Variants in ECHDC3 observed in about 807,000 individuals in gnomAD.
ECHDC3 encodes the protein enoyl-CoA hydratase domain containing 3, also known as enoyl-CoA hydratase domain-containing protein 3, mitochondrial.
In ECHDC3, 20 loss-of-function variants were observed where a neutral mutation model predicts 17.9. The observed-to-expected ratio is 1.12, with a 90% CI of 0.79 to 1.63. The LOEUF is 1.63. ECHDC3 is among the 40% of genes most tolerant of loss of function. The probability of loss-of-function intolerance (pLI) is 0.00; values close to 1 mark genes in which losing one functional copy is unlikely to be tolerated. For synonymous variants in ECHDC3, 177 were observed against 149.7 expected, an observed-to-expected ratio of 1.18 and a Z score of -1.33; for missense variants, 407 against 357.7, an observed-to-expected ratio of 1.14 and a Z score of -1.11.
intron 1 of ECHDC3, among the ~76,000 whole-genome samples, chr10:11,746,944 CA>C (rs1306737094): frequency 2.6e-5 from 4 of 152,104 alleles, no homozygotes; most frequent in African/African-American, 9.7e-5. Flanking sequence ...TTCTAAGGAA[CA>C]ATGGAAAGAA....
At chr10:11,756,708 CG>C (rs983738837) in intron 4 of ECHDC3, among the ~76,000 whole-genome samples, 2 of 151,762 alleles carry the variant, frequency 1.3e-5, no homozygotes, top group African/African-American at 4.8e-5. Flanking sequence ...AGGATGTTTT[CG>C]ATTCTGTCAA....
chr10:11,755,850 T>C (rs1458976306), intron 4 of ECHDC3: 3 of 485,676 alleles, frequency 6.2e-6, no homozygotes, highest in Non-Finnish European at 1.1e-5. Context: ...AATCACTGCA[T>C]TTCCATCATG....
At chr10:11,746,236 G>A (rs1832757460) in intron 1 of ECHDC3, among the ~76,000 whole-genome samples, 1 of 150,556 alleles carries the variant, frequency 6.6e-6, no homozygotes, top group African/African-American at 2.5e-5. Flanking sequence ...CCTGAGGCAA[G>A]AGAATCACTT....
chr10:11,755,223 G>A (rs1832871211), intron 3 of ECHDC3, 185 bp from the exon 4 acceptor site: 1 of 551,034 alleles, frequency 1.8e-6, no homozygotes, highest in East Asian at 3.2e-5. Context: ...CTACTCAGGA[G>A]GCTGAGGCAG....
rs186464139 is a variant in ECHDC3 at position 11,748,004 on chromosome 10, A to T, written c.292+534A>T. 1.9e-3 allele frequency among the ~76,000 whole-genome samples: 296 copies of T among 152,356 alleles called. 4 individuals are homozygous for T. Among genetic ancestry groups the T allele is most frequent in the Non-Finnish European group, 7.6e-4 (52 of 68,040 alleles). On this transcript the variant is annotated intron_variant, in intron 2 of 4. Coordinates refer to ENST00000379215, the MANE Select transcript of ECHDC3 (RefSeq NM_024693.5). ...AATAGTAATATTAGCATTTTAAAGC[A>T]TACACAAAAAAATATGATGATGATG... is the stretch of plus-strand genomic sequence containing the variant.
chr10:11,745,289 G>A (rs1832747830), intron 1 of ECHDC3, among the ~76,000 whole-genome samples: 2 of 152,146 alleles, frequency 1.3e-5, no homozygotes, highest in South Asian at 4.1e-4. Flanking sequence ...TCGGGGGCTG[G>A]AATCTTTTTA....
At chr10:11,753,950 A>AC (rs1287566383) in intron 3 of ECHDC3, among the ~76,000 whole-genome samples, 3 of 151,484 alleles carry the variant, frequency 2.0e-5, no homozygotes, top group African/African-American at 7.3e-5. Context: ...TAATTTTTGT[A>AC]CTTTTTTTTT....
intron 4 of ECHDC3, among the ~76,000 whole-genome samples, chr10:11,759,018 A>G (rs1321014994): frequency 6.6e-6 from 1 of 152,196 alleles, no homozygotes; most frequent in East Asian, 1.9e-4. Flanking sequence ...TGATGAGATC[A>G]TGAGTATGGA....
At chr10:11,751,167 T>TA (rs1832819260) in intron 3 of ECHDC3, among the ~76,000 whole-genome samples, 1 of 152,214 alleles carries the variant, frequency 6.6e-6, no homozygotes, top group Non-Finnish European at 1.5e-5. Flanking sequence ...AGAGAACCAG[T>TA]AAAGCCCTTT....
chr10:11,744,365 G>A (rs564186181), intron 1 of ECHDC3, among the ~76,000 whole-genome samples: 1 of 152,294 alleles, frequency 6.6e-6, no homozygotes, highest in African/African-American at 2.4e-5. Context: ...CACTGCATTC[G>A]GTGGAATTGG....
intron 3 of ECHDC3, 123 bp downstream of exon 3, chr10:11,749,715 A>T: frequency 1.4e-6 from 1 of 717,330 alleles, no homozygotes; most frequent in Non-Finnish European, 2.2e-6. Flanking sequence ...GAGCAACTGG[A>T]AACTGTTTGG....
chr10:11,763,318 T>A lies in ECHDC3; in HGVS notation c.686T>A (p.Leu229Gln). 1.3e-6 allele frequency: 1 copy of A among 780,210 alleles called. No individual in the cohort carries two copies. Among genetic ancestry groups the A allele is most frequent in the South Asian group, 1.3e-5 (1 of 74,610 alleles). The allele number at this position is 780,210 out of a possible 1,614,324, so 48.3% of individuals were successfully genotyped here. The part of the protein sequence containing the change: ...LLSKVVPEAE[L>Q]QEETMRIARK... ...AGCAAGGTGGTGCCAGAGGCGGAGC[T>A]GCAGGAGGAGACCATGCGGATCGCT... Residue 229 changes from leucine to glutamine, a missense_variant, in exon 5 of 5, where the codon CTG (leucine) becomes CAG (glutamine). Physicochemically the swap from Leu to Gln is moderately radical, Grantham distance 113. Coordinates refer to ENST00000379215, the MANE Select transcript of ECHDC3 (RefSeq NM_024693.5). The surrounding 1 kb of genome is among the most constrained non-coding windows in gnomAD (Gnocchi z 4.9).
intron 1 of ECHDC3, 102 bp downstream of exon 1, chr10:11,742,848 G>T: frequency 1.7e-6 from 2 of 1,179,442 alleles, no homozygotes; most frequent in Non-Finnish European, 2.1e-6. Context: ...CCCCGTTTAC[G>T]CCCCTGGGGA....
intron 1 of ECHDC3, among the ~76,000 whole-genome samples, chr10:11,746,417 G>T (rs1295842373): frequency 6.6e-6 from 1 of 151,368 alleles, no homozygotes; most frequent in Non-Finnish European, 1.5e-5. Context: ...TAGCACAACA[G>T]GGTGACTATA....
chr10:11,758,084 T>A (rs1832904441), intron 4 of ECHDC3, among the ~76,000 whole-genome samples: 1 of 152,120 alleles, frequency 6.6e-6, no homozygotes, highest in Non-Finnish European at 1.5e-5. Flanking sequence ...TAAGACAACA[T>A]GTATGGGTCA....
At chr10:11,759,246 C>T (rs1375003747) in intron 4 of ECHDC3, among the ~76,000 whole-genome samples, 5 of 151,730 alleles carry the variant, frequency 3.3e-5, no homozygotes, top group Middle Eastern at 3.4e-3. Flanking sequence ...CCCAGCTACT[C>T]GGGAGGCTGA....
chr10:11,748,915 T>C (rs1832793634), intron 2 of ECHDC3, among the ~76,000 whole-genome samples: 1 of 152,136 alleles, frequency 6.6e-6, no homozygotes, highest in East Asian at 1.9e-4. Flanking sequence ...AAAAGGGAAG[T>C]ATGAGAAAAT....
At chr10:11,760,020 C>A (rs1588466004) in intron 4 of ECHDC3, among the ~76,000 whole-genome samples, 1 of 152,232 alleles carries the variant, frequency 6.6e-6, no homozygotes, top group African/African-American at 2.4e-5. Context: ...AGCCAGGTCC[C>A]TTGAGCTCAA....
In ECHDC3 at chr10:11,749,662, C is replaced by T. The variant is rs757329801; in HGVS notation, c.390+70C>T. On this transcript the variant is annotated intron_variant, in intron 3 of 4. Coordinates refer to ENST00000379215, the MANE Select transcript of ECHDC3 (RefSeq NM_024693.5). Reference sequence around the variant, plus strand: ...TTACATTAAATGTTGAGTTCGCCTTCGACCTTACAGATAAGATTTTATCCA... The same window carrying T: ...TTACATTAAATGTTGAGTTCGCCTTTGACCTTACAGATAAGATTTTATCCA... 2.7e-5 allele frequency: 39 copies of T among 1,455,150 alleles called. No homozygotes were observed. In the East Asian group the frequency reaches 4.1e-4, roughly 15 times the overall value. 90.1% of individuals were successfully genotyped at this position (1,455,150 alleles called of 1,614,324 possible).
Sources: allele counts gnomAD v4.1 joint callset (sites outside exome capture counted in the v4.1 genomes callset), GRCh38; gene constraint gnomAD v4.1.1; non-coding constraint Gnocchi (gnomAD v3.1); transcripts MANE v1.5; gene names NCBI Gene and HGNC (gene_info 2026-07-23, HGNC 2026-07-21).